Variants in KLHL2 observed in about 807,000 individuals in gnomAD.
KLHL2 encodes kelch-like protein 2.
A neutral mutation model predicts 75.8 loss-of-function variants in KLHL2; 15 were observed. The ratio of observed to expected loss-of-function variants is 0.20; its 90% CI spans 0.13 to 0.30. KLHL2 has a LOEUF of 0.30. Among genes scored for constraint, KLHL2 ranks in the 10% least tolerant of loss-of-function variants. The probability of loss-of-function intolerance (pLI) is 1.00; values close to 1 mark genes in which losing one functional copy is unlikely to be tolerated. For missense variants in KLHL2, 381 were observed against 741.0 expected (o/e 0.51, Z 5.64); for synonymous variants, 214 against 251.9 (o/e 0.85, Z 1.42).
At chr4:165,232,998 G>A (rs1739038590) in intron 3 of KLHL2, among the ~76,000 whole-genome samples, 1 of 150,718 alleles carries the variant, frequency 6.6e-6, no homozygotes, top group African/African-American at 2.4e-5. Flanking sequence ...TCAGGGACAG[G>A]GAGTTTCCCT....
intron 3 of KLHL2, among the ~76,000 whole-genome samples, chr4:165,237,239 G>C (rs888605913): frequency 1.3e-4 from 20 of 152,016 alleles, no homozygotes; most frequent in African/African-American, 4.8e-4. Flanking sequence ...CTTATATGTG[G>C]CTGAAGACTT....
intron 5 of KLHL2, 88 bp downstream of exon 5, chr4:165,263,447 T>C (rs1415831266): frequency 3.2e-6 from 5 of 1,549,614 alleles, no homozygotes; most frequent in Non-Finnish European, 2.6e-6. Flanking sequence ...AGTCATGTCA[T>C]ATTTCTGGAT....
intron 4 of KLHL2, among the ~76,000 whole-genome samples, chr4:165,249,459 A>G (rs1378460002): frequency 1.3e-5 from 2 of 152,206 alleles, no homozygotes; most frequent in Non-Finnish European, 2.9e-5. Flanking sequence ...AATCACAAGG[A>G]AAGGGAATTT....
intron 4 of KLHL2, among the ~76,000 whole-genome samples, chr4:165,239,159 T>C (rs1332911165): frequency 6.6e-6 from 1 of 152,206 alleles, no homozygotes; most frequent in African/African-American, 2.4e-5. Context: ...CACTGTCATA[T>C]TCATTTATAA....
intron 2 of KLHL2, among the ~76,000 whole-genome samples, chr4:165,224,244 A>G (rs1482310577): frequency 6.6e-6 from 1 of 152,056 alleles, no homozygotes; most frequent in African/African-American, 2.4e-5. Flanking sequence ...AAAAAAACCT[A>G]CTGTTTTTTA....
At chr4:165,320,635 G>C (rs1283616819) in intron 14 of KLHL2, among the ~76,000 whole-genome samples, 2 of 152,170 alleles carry the variant, frequency 1.3e-5, no homozygotes, top group South Asian at 4.1e-4. Flanking sequence ...TCTCAACAGA[G>C]AAAACATGAA....
chr4:165,306,479 C>T (rs1745736693), intron 9 of KLHL2, among the ~76,000 whole-genome samples: 1 of 152,220 alleles, frequency 6.6e-6, no homozygotes, highest in South Asian at 2.1e-4. Flanking sequence ...TCATTGTGTA[C>T]ATATGCTAAT....
intron 4 of KLHL2, among the ~76,000 whole-genome samples, chr4:165,239,155 C>T (rs891125204): frequency 2.6e-5 from 4 of 151,954 alleles, no homozygotes; most frequent in Non-Finnish European, 5.9e-5. Flanking sequence ...AAAACACTGT[C>T]ATATTCATTT....
At chr4:165,300,495 C>T (rs921017508) in intron 8 of KLHL2, among the ~76,000 whole-genome samples, 3 of 152,106 alleles carry the variant, frequency 2.0e-5, no homozygotes, top group Non-Finnish European at 2.9e-5. Context: ...CATACATTCC[C>T]ATGTCTTCCC....
intron 1 of KLHL2, among the ~76,000 whole-genome samples, chr4:165,218,750 G>A (rs1334010418): frequency 2.0e-5 from 3 of 152,270 alleles, no homozygotes; most frequent in African/African-American, 7.2e-5. Flanking sequence ...ATTAATGAAC[G>A]ATAATGTTTA....
intron 9 of KLHL2, among the ~76,000 whole-genome samples, chr4:165,307,653 T>C (rs374819999): frequency 2.6e-5 from 4 of 152,192 alleles, no homozygotes; most frequent in East Asian, 1.9e-4. Flanking sequence ...TTTTGAAGAG[T>C]GTCTCTCAAG....
At chr4:165,263,831 C>G (rs1279619595) in intron 5 of KLHL2, among the ~76,000 whole-genome samples, 6 of 39,690 alleles carry the variant, frequency 1.5e-4, no homozygotes, top group African/African-American at 4.5e-4. Context: ...TTTTTTTTTG[C>G]ATCCATGAAA....
intron 5 of KLHL2, among the ~76,000 whole-genome samples, chr4:165,265,327 G>C (rs1308301089): frequency 6.6e-6 from 1 of 152,054 alleles, no homozygotes; most frequent in Non-Finnish European, 1.5e-5. Context: ...TCTATAGGTT[G>C]TGTGTTTACT....
rs3817234 is a variant in KLHL2, at chr4:165,238,711, A to G, written c.260-67A>G. ...GAGTGGCAAGAAGATGTATCAATCT[A>G]CATTGGCATTGGAACTTCCACAGCA... On this transcript the variant is annotated intron_variant, in intron 3 of 14. Coordinates refer to ENST00000226725, the MANE Select transcript of KLHL2 (RefSeq NM_007246.4). 4.6e-4 allele frequency: 731 copies of G among 1,600,520 alleles called. 11 individuals are homozygous for G. The East Asian group carries it at 0.012, about 26-fold the overall frequency.
chr4:165,318,600 A>C (rs1746746638), intron 14 of KLHL2, among the ~76,000 whole-genome samples: 1 of 152,218 alleles, frequency 6.6e-6, no homozygotes, highest in African/African-American at 2.4e-5. Context: ...GTATCATTCA[A>C]AACAGTACTG....
At chr4:165,223,782 A>G (rs1738197470) in intron 2 of KLHL2, among the ~76,000 whole-genome samples, 1 of 152,166 alleles carries the variant, frequency 6.6e-6, no homozygotes, top group African/African-American at 2.4e-5. Context: ...CCAAGTGTGG[A>G]TGGGGGAAAT....
Position 165,305,633 on chromosome 4 carries a change from C to T in KLHL2, c.947C>T (p.Ala316Val). Residue 316 changes from alanine to valine, a missense_variant, in exon 9 of 15, where the codon GCA (alanine) becomes GTA (valine). By Grantham distance (64) the Ala-to-Val change is moderately conservative. Coordinates refer to ENST00000226725, the MANE Select transcript of KLHL2 (RefSeq NM_007246.4). ...TTGATGGTGGTGGTTGGGGGCCAAG[C>T]ACCAAAGGCTATCCGGAGTGTGGAA... ...PKLMVVVGGQ[A>V]PKAIRSVECY... 6.2e-7 allele frequency: 1 copy of T among 1,614,054 alleles called. No homozygotes were observed. The highest frequency in any genetic ancestry group is 8.5e-7 in the Non-Finnish European group (1 of 1,179,978).
At chr4:165,242,655 C>T (rs947538384) in intron 4 of KLHL2, among the ~76,000 whole-genome samples, 4 of 152,022 alleles carry the variant, frequency 2.6e-5, no homozygotes. Context: ...CACCATCACG[C>T]CCGGCTAATT....
At chr4:165,232,963 A>T (rs1739033329) in intron 3 of KLHL2, among the ~76,000 whole-genome samples, 1 of 147,448 alleles carries the variant, frequency 6.8e-6, no homozygotes, top group South Asian at 2.1e-4. Context: ...TCCACCAAAC[A>T]TCATGTACAT....
Sources: gnomAD v4.1 joint callset for allele counts (sites outside exome capture counted in the v4.1 genomes callset) on GRCh38, gnomAD v4.1.1 for gene constraint, MANE v1.5 for transcripts, NCBI Gene and HGNC (gene_info 2026-07-23, HGNC 2026-07-21) for gene names.